CRAMP1: variants seen among roughly 807,000 people sequenced by gnomAD.
CRAMP1 encodes protein cramped-like.
In CRAMP1, 50 loss-of-function variants were observed where a neutral mutation model predicts 115.4. The ratio of observed to expected loss-of-function variants is 0.43; its 90% CI spans 0.35 to 0.55. CRAMP1 has a LOEUF of 0.55. Ranked by LOEUF, CRAMP1 falls within the 20% of genes least tolerant of loss-of-function variation. The pLI is 0.01. For synonymous variants in CRAMP1, 866 were observed against 745.4 expected, an observed-to-expected ratio of 1.16 and a Z score of -2.64; for missense variants, 1,679 against 1,721.7, an observed-to-expected ratio of 0.98 and a Z score of 0.44.
At chr16:1,632,101 A>G (rs984465796) in intron 3 of CRAMP1, 111 bp from the exon 4 acceptor site, 18 of 1,174,736 alleles carry the variant, frequency 1.5e-5, no homozygotes, top group Non-Finnish European at 2.0e-5. Context: ...TGCTTGTTTG[A>G]CTACAGCCTG....
rs1040111422 is a variant in CRAMP1 at position 1,675,541 on chromosome 16, T to C, written c.*1496T>C. 5 of 152,450 alleles carry C rather than the reference T, an allele frequency of 3.3e-5. No homozygotes were observed. The highest frequency in any genetic ancestry group is 1.2e-4 in the African/African-American group (5 of 41,382). The allele number at this position is 152,450 out of a possible 1,614,324, so 9.4% of individuals were successfully genotyped here. On this transcript the variant is annotated 3_prime_UTR_variant, in exon 21 of 21. Coordinates refer to ENST00000397412, the MANE Select transcript of CRAMP1 (RefSeq NM_020825.4). ...CCACTGCTTCTCTCCCCATCCACAA[T>C]GGAGAAGGTGAAAAGAGGAGGGAAA...
chr16:1,640,746 C>G (rs927020033), intron 5 of CRAMP1, among the ~76,000 whole-genome samples: 1 of 152,170 alleles, frequency 6.6e-6, no homozygotes, highest in African/African-American at 2.4e-5. Context: ...ACGAGCCCAG[C>G]AGGAAGTGTG....
rs1007097754 is a variant in CRAMP1 at position 1,672,892 on chromosome 16, G to A, written c.3646-989G>A. ...CTCTGTCATGGCCACCACCTTGGTC[G>A]TGCTTTTCAGTCAAAGCCTCTTCCT... On this transcript the variant is annotated intron_variant, in intron 20 of 20. Coordinates refer to ENST00000397412, the MANE Select transcript of CRAMP1 (RefSeq NM_020825.4). This position sits in a 1 kb window ranked among gnomAD's most constrained non-coding sequence, Gnocchi z 4.9. Among the ~76,000 whole-genome samples the A allele has an allele frequency of 6.6e-5, 10 of 152,230 alleles. No homozygotes were observed. Among genetic ancestry groups the A allele is most frequent in the Admixed American group, 3.3e-4 (5 of 15,280 alleles).
rs2036914757 is a variant in CRAMP1, at chr16:1,670,688, G to A, written c.3524G>A (p.Ser1175Asn). ...LFASFISPEK[S>N]RKMLPTPIGT... is the part of the protein sequence containing the mutation. Reference sequence around the variant, plus strand: ...GCAAGCTTCATCTCCCCAGAGAAGAGCCGGAAGATGTTGCCGACTCCCATT... The same window carrying A: ...GCAAGCTTCATCTCCCCAGAGAAGAACCGGAAGATGTTGCCGACTCCCATT... The change falls in exon 20 of 21, where the codon AGC becomes AAC. Residue 1175 changes from serine (S) to asparagine (N), a missense_variant. Around this residue, in one of 8 missense-constraint regions of CRAMP1, gnomAD observed 709 missense variants for 741.9 expected, o/e 0.96. Coordinates refer to ENST00000397412, the MANE Select transcript of CRAMP1 (RefSeq NM_020825.4). 3 of 1,614,014 alleles carry A rather than the reference G, an allele frequency of 1.9e-6. No individual in the cohort carries two copies. The highest frequency in any genetic ancestry group is 2.2e-5 in the East Asian group (1 of 44,872).
At chr16:1,631,573 C>T (rs1452607103) in intron 3 of CRAMP1, among the ~76,000 whole-genome samples, 4 of 152,262 alleles carry the variant, frequency 2.6e-5, no homozygotes, top group African/African-American at 7.2e-5. Flanking sequence ...ATGAGATGAT[C>T]GAACACTAGG....
Position 1,671,156 on chromosome 16 carries a change from G to A in CRAMP1, c.3645+347G>A, listed in dbSNP as rs1044848998. 7.2e-5 allele frequency among the ~76,000 whole-genome samples: 11 copies of A among 152,166 alleles called. No homozygotes were observed. Among genetic ancestry groups the A allele is most frequent in the African/African-American group, 2.2e-4 (9 of 41,420 alleles). ...CCCTGGCTGTGAGGTGCTGAGGTGCGGGGAGTGTTGTGGAGGGAGGAGTAA... is the reference window on the plus strand; with the variant it reads ...CCCTGGCTGTGAGGTGCTGAGGTGCAGGGAGTGTTGTGGAGGGAGGAGTAA... On this transcript the variant is annotated intron_variant, in intron 20 of 20. Transcript: ENST00000397412. The surrounding 1 kb of genome is among the most constrained non-coding windows in gnomAD (Gnocchi z 5.0).
chr16:1,646,649 A>G (rs895251918), intron 6 of CRAMP1, among the ~76,000 whole-genome samples: 5 of 152,204 alleles, frequency 3.3e-5, no homozygotes, highest in African/African-American at 1.2e-4. Context: ...GCACAGAGTG[A>G]AAGTCCTTCG....
intron 6 of CRAMP1, among the ~76,000 whole-genome samples, chr16:1,652,261 A>C (rs1018734043): frequency 1.3e-5 from 2 of 152,226 alleles, no homozygotes; most frequent in Non-Finnish European, 2.9e-5. Flanking sequence ...CATTTTCTGT[A>C]AACAGCAGGT....
chr16:1,662,788 C>T lies in CRAMP1; in HGVS notation c.2623C>T (p.Pro875Ser), dbSNP rs750956677. ...GCAGTCGGATTTCTTCCTGCCAAAGCCCCGGAAGCTGCGGAACCGGCACCT... is the reference window on the plus strand; with the variant it reads ...GCAGTCGGATTTCTTCCTGCCAAAGTCCCGGAAGCTGCGGAACCGGCACCT... ...SMQSDFFLPKPRKLRNRHLRK... is the reference protein window; with the variant it reads ...SMQSDFFLPKSRKLRNRHLRK... Residue 875 changes from proline (P) to serine (S), a missense_variant, in exon 13 of 21, where the codon CCC (proline) becomes TCC (serine). Pro to Ser is a moderately conservative substitution (Grantham distance 74, BLOSUM62 -1). Transcript: ENST00000397412. The T allele has an allele frequency of 6.2e-7, 1 of 1,613,922 alleles. No individual in the cohort carries two copies. Among genetic ancestry groups the T allele is most frequent in the South Asian group, 1.1e-5 (1 of 91,086 alleles).
rs550996199 is a variant in CRAMP1, at chr16:1,666,826, C to CA, written c.3036+227dup. On this transcript the variant is annotated intron_variant, in intron 16 of 20. Coordinates refer to ENST00000397412, the MANE Select transcript of CRAMP1 (RefSeq NM_020825.4). This position sits in a 1 kb window ranked among gnomAD's most constrained non-coding sequence, Gnocchi z 5.0. ...GCTTGCCATGTGGCACTGGAGAACT[C>CA]AGAGCTAAGACGGTGTGGAAACATA... Among the ~76,000 whole-genome samples, 100 of 152,352 alleles carry CA rather than the reference C, an allele frequency of 6.6e-4. No individual in the cohort carries two copies. Among genetic ancestry groups the CA allele is most frequent in the Non-Finnish European group, 1.2e-3 (82 of 68,032 alleles).
intron 11 of CRAMP1, among the ~76,000 whole-genome samples, chr16:1,661,985 C>T (rs1203692815): frequency 1.3e-5 from 2 of 152,220 alleles, no homozygotes; most frequent in African/African-American, 4.8e-5. Flanking sequence ...AGCCCAGATC[C>T]AGCTCACTGC....
chr16:1,677,554 C>G lies in CRAMP1; in HGVS notation c.*3509C>G, dbSNP rs1398753966. The G allele has an allele frequency of 6.6e-6, 1 of 152,634 alleles. No homozygotes were observed. Among genetic ancestry groups the G allele is most frequent in the Non-Finnish European group, 1.5e-5 (1 of 68,076 alleles). 9.5% of individuals were successfully genotyped at this position (152,634 alleles called of 1,614,324 possible). ...CCTGATGTCACAGTGGCTGCGTGTC[C>G]TTGGGGTGGGTGAGGTGTGGGGAGC... On this transcript the variant is annotated 3_prime_UTR_variant, in exon 21 of 21. Coordinates refer to ENST00000397412, the MANE Select transcript of CRAMP1 (RefSeq NM_020825.4).
chr16:1,635,880 A>G (rs1487191054), intron 4 of CRAMP1, among the ~76,000 whole-genome samples: 1 of 152,162 alleles, frequency 6.6e-6, no homozygotes, highest in Non-Finnish European at 1.5e-5. Flanking sequence ...GATGTTTCAT[A>G]GAAATGGGAT....
rs1283525435 is a variant in CRAMP1 at position 1,666,044 on chromosome 16, C to T, written c.2753-29C>T. The T allele has an allele frequency of 4.7e-6, 7 of 1,487,406 alleles. No homozygotes were observed. Among genetic ancestry groups the T allele is most frequent in the Non-Finnish European group, 5.5e-6 (6 of 1,086,642 alleles). The allele number at this position is 1,487,406 out of a possible 1,614,324, so 92.1% of individuals were successfully genotyped here. ...GTGAGGGCATGGCGGGCGGGCTCGA[C>T]ATGTCTGCTTTTGCCCTCGCCCTCG... On this transcript the variant is annotated intron_variant, in intron 14 of 20. Coordinates refer to ENST00000397412, the MANE Select transcript of CRAMP1 (RefSeq NM_020825.4). This position sits in a 1 kb window ranked among gnomAD's most constrained non-coding sequence, Gnocchi z 5.0.
At chr16:1,623,521 TA>T in intron 2 of CRAMP1, among the ~76,000 whole-genome samples, 1 of 152,364 alleles carries the variant, frequency 6.6e-6, no homozygotes, top group African/African-American at 2.4e-5. Flanking sequence ...CAAATATACC[TA>T]ATGCCAACAT....
At chr16:1,623,610 G>A (rs1470485246) in intron 2 of CRAMP1, among the ~76,000 whole-genome samples, 2 of 152,224 alleles carry the variant, frequency 1.3e-5, no homozygotes, top group African/African-American at 2.4e-5. Flanking sequence ...ATAGTTTAGC[G>A]AGTGTTTCTT....
chr16:1,654,171 A>G (rs1186976822), intron 8 of CRAMP1, among the ~76,000 whole-genome samples: 1 of 151,316 alleles, frequency 6.6e-6, no homozygotes, highest in African/African-American at 2.4e-5. Flanking sequence ...AAATTGAGGT[A>G]AAATTCACAT....
chr16:1,655,806 G>A, intron 9 of CRAMP1, 71 bp from the exon 10 acceptor site: 1 of 1,528,814 alleles, frequency 6.5e-7, no homozygotes, highest in Non-Finnish European at 8.9e-7. Flanking sequence ...GCTCGTGTCT[G>A]TACCCATGTG....
At chr16:1,653,596 A>T (rs2036742639) in intron 8 of CRAMP1, among the ~76,000 whole-genome samples, 1 of 152,118 alleles carries the variant, frequency 6.6e-6, no homozygotes, top group African/African-American at 2.4e-5. Context: ...TTGGGAGGCC[A>T]GGGCGGGTGG....
Sources: allele counts gnomAD v4.1 joint callset (sites outside exome capture counted in the v4.1 genomes callset), GRCh38; gene constraint gnomAD v4.1.1; regional missense constraint gnomAD v4.1.1; non-coding constraint Gnocchi (gnomAD v3.1); transcripts MANE v1.5; gene names NCBI Gene and HGNC (gene_info 2026-07-23, HGNC 2026-07-21).